PITPNC1: variants seen among roughly 807,000 people sequenced by gnomAD.
PITPNC1 encodes the protein phosphatidylinositol transfer protein cytoplasmic 1.
Under a neutral mutation model 44.7 loss-of-function variants are expected in PITPNC1, and 18 were observed. The observed-to-expected ratio is 0.40, with a 90% CI of 0.28 to 0.60. The LOEUF is 0.60. PITPNC1 is among the 20% of genes least tolerant of loss of function. The probability of loss-of-function intolerance (pLI) is 0.39; values close to 1 mark genes in which losing one functional copy is unlikely to be tolerated. For missense variants in PITPNC1, 290 were observed against 418.4 expected, an observed-to-expected ratio of 0.69 and a Z score of 2.68; for synonymous variants, 141 against 149.6, an observed-to-expected ratio of 0.94 and a Z score of 0.42.
chr17:67,392,095 G>A (rs1288957478), intron 1 of PITPNC1, among the ~76,000 whole-genome samples: 2 of 152,152 alleles, frequency 1.3e-5, no homozygotes, highest in Non-Finnish European at 2.9e-5. Flanking sequence ...CATCAGCAGA[G>A]ATGTTAGTTC....
chr17:67,621,727 A>C (rs2041832514), intron 5 of PITPNC1, among the ~76,000 whole-genome samples: 1 of 152,144 alleles, frequency 6.6e-6, no homozygotes, highest in Non-Finnish European at 1.5e-5. Context: ...TCATCTCTAG[A>C]GTGCTGTCCT....
At chr17:67,466,537 G>A (rs2039430587) in intron 1 of PITPNC1, among the ~76,000 whole-genome samples, 1 of 152,304 alleles carries the variant, frequency 6.6e-6, no homozygotes, top group East Asian at 1.9e-4. Context: ...GAAAGGGCCA[G>A]GTGTTGGCCT....
At chr17:67,479,609 C>T (rs1045198413) in intron 1 of PITPNC1, among the ~76,000 whole-genome samples, 8 of 151,884 alleles carry the variant, frequency 5.3e-5, no homozygotes, top group Admixed American at 3.9e-4. Context: ...CTTCTTGGAA[C>T]AAAGGACAAA....
At chr17:67,520,571 G>A (rs2040312712) in intron 1 of PITPNC1, among the ~76,000 whole-genome samples, 1 of 152,190 alleles carries the variant, frequency 6.6e-6, no homozygotes, top group African/African-American at 2.4e-5. Context: ...CTCTTTGCCA[G>A]ACACCAAGTG....
Position 67,527,859 on chromosome 17 carries a change from G to T in PITPNC1, c.49-4943G>T, listed in dbSNP as rs1001962980. Among the ~76,000 whole-genome samples, 5 of 152,032 alleles carry T rather than the reference G, an allele frequency of 3.3e-5. No individual in the cohort carries two copies. The East Asian group carries it at 9.7e-4, about 29-fold the overall frequency. The stretch of plus-strand genomic sequence containing the variant: ...AAAGTAAAAAAATAAAAATTAACTG[G>T]GTGTGGTGGCACACTTCTGTAGTCC... On this transcript the variant is annotated intron_variant, in intron 1 of 8. Coordinates refer to ENST00000581322, the MANE Select transcript of PITPNC1 (RefSeq NM_012417.4).
chr17:67,423,315 G>C (rs2143870630), intron 1 of PITPNC1, among the ~76,000 whole-genome samples: 1 of 152,268 alleles, frequency 6.6e-6, no homozygotes, highest in South Asian at 2.1e-4. Context: ...ACAGATATTG[G>C]AAACATGGTG....
intron 1 of PITPNC1, among the ~76,000 whole-genome samples, chr17:67,409,561 G>A (rs541530662): frequency 6.6e-5 from 10 of 151,562 alleles, no homozygotes; most frequent in African/African-American, 1.9e-4. Context: ...GTGGCGGGGC[G>A]GAGTTTCACT....
chr17:67,566,844 C>G (rs2040986837), intron 4 of PITPNC1, among the ~76,000 whole-genome samples: 1 of 152,180 alleles, frequency 6.6e-6, no homozygotes, highest in African/African-American at 2.4e-5. Context: ...TTTCCTGATA[C>G]TTAAGAATCA....
intron 1 of PITPNC1, among the ~76,000 whole-genome samples, chr17:67,441,277 G>GCCC (rs34717379): frequency 2.7e-5 from 4 of 146,898 alleles, no homozygotes; most frequent in African/African-American, 7.6e-5. Flanking sequence ...TATTTATTAA[G>GCCC]CCCCCCCCCG....
At chr17:67,415,009 A>G (rs1479322293) in intron 1 of PITPNC1, among the ~76,000 whole-genome samples, 1 of 152,136 alleles carries the variant, frequency 6.6e-6, no homozygotes, top group African/African-American at 2.4e-5. Flanking sequence ...CCTCCTGAGT[A>G]GCTGGAACTA....
chr17:67,616,230 T>C (rs2041756062), intron 5 of PITPNC1, among the ~76,000 whole-genome samples: 1 of 152,110 alleles, frequency 6.6e-6, no homozygotes. Flanking sequence ...AGCCTCAGCC[T>C]CCCGGGTTCA....
chr17:67,517,020 A>G (rs1200832923), intron 1 of PITPNC1, among the ~76,000 whole-genome samples: 1 of 152,172 alleles, frequency 6.6e-6, no homozygotes, highest in African/African-American at 2.4e-5. Context: ...CTTTCTGTCA[A>G]TGCTGTGTAA....
intron 6 of PITPNC1, among the ~76,000 whole-genome samples, chr17:67,651,228 A>C (rs1357339762): frequency 1.3e-5 from 2 of 152,084 alleles, no homozygotes; most frequent in Non-Finnish European, 2.9e-5. Flanking sequence ...AAACAGCTTT[A>C]TTGGCTGGGC....
chr17:67,382,282 G>C (rs973130857), intron 1 of PITPNC1, among the ~76,000 whole-genome samples: 1 of 151,962 alleles, frequency 6.6e-6, no homozygotes, highest in Non-Finnish European at 1.5e-5. Flanking sequence ...AGCTCTGGGC[G>C]ATCAAGAAAA....
chr17:67,555,010 A>G (rs1222559263), intron 4 of PITPNC1, among the ~76,000 whole-genome samples: 3 of 152,226 alleles, frequency 2.0e-5, no homozygotes, highest in Admixed American at 6.5e-5. Flanking sequence ...TCGGATATTA[A>G]AATATCTTTT....
At position 67,631,671 on chromosome 17, in the gene PITPNC1, T is replaced by TATATATATATAA. The variant is rs1272988970; in HGVS notation, c.367-471_367-470insTATATATATAAA. Reference sequence around the variant, plus strand: ...AAAAAAAAAAAAATATATATATATATAAAATATATATTTTTAACATATATA... The same window carrying TATATATATATAA: ...AAAAAAAAAAAAATATATATATATATATATATATATAAAAAATATATATTTTTAACATATATA... On this transcript the variant is annotated intron_variant, in intron 5 of 8. Transcript: ENST00000581322. Among the ~76,000 whole-genome samples, 239 of 69,642 alleles carry TATATATATATAA rather than the reference T, an allele frequency of 3.4e-3. 8 individuals are homozygous for TATATATATATAA. The highest frequency in any genetic ancestry group is 0.012 in the East Asian group (36 of 2,890). The allele number at this position is 69,642 out of a possible 152,430, so 45.7% of individuals were successfully genotyped here.
At chr17:67,595,925 CTT>C (rs1470713206) in intron 5 of PITPNC1, among the ~76,000 whole-genome samples, 2 of 152,152 alleles carry the variant, frequency 1.3e-5, no homozygotes, top group Non-Finnish European at 2.9e-5. Context: ...TTTTAATTAT[CTT>C]TAGCTATGCC....
chr17:67,504,312 C>T (rs776263248), intron 1 of PITPNC1, among the ~76,000 whole-genome samples: 1 of 152,102 alleles, frequency 6.6e-6, no homozygotes, highest in African/African-American at 2.4e-5. Context: ...AATGAAAATA[C>T]AACAACACTG....
chr17:67,623,213 G>A (rs780471199), intron 5 of PITPNC1, among the ~76,000 whole-genome samples: 7 of 151,518 alleles, frequency 4.6e-5, no homozygotes, highest in Non-Finnish European at 7.4e-5. Flanking sequence ...AAGATGACTG[G>A]TAGACTTTTC....
Sources: allele counts gnomAD v4.1 joint callset (sites outside exome capture counted in the v4.1 genomes callset), GRCh38; gene constraint gnomAD v4.1.1; transcripts MANE v1.5; gene names NCBI Gene and HGNC (gene_info 2026-07-23, HGNC 2026-07-21).